The following GLT6D1 variants were observed in gnomAD, a reference collection of about 807,000 sequenced individuals.
The protein encoded by GLT6D1 is putative glycosyltransferase 6 domain-containing protein 1.
A neutral mutation model predicts 12.3 loss-of-function variants in GLT6D1; 9 were observed. The observed-to-expected ratio is 0.73, with a 90% CI of 0.44 to 1.27. GLT6D1 has a LOEUF of 1.27. Among genes scored for constraint, GLT6D1 ranks in the 50% most tolerant of loss-of-function variants. GLT6D1 has a pLI of 0.00. For missense variants in GLT6D1, 335 were observed against 346.2 expected, an observed-to-expected ratio of 0.97 and a Z score of 0.26; for synonymous variants, 128 against 132.3, an observed-to-expected ratio of 0.97 and a Z score of 0.23.
upstream of GLT6D1, among the ~76,000 whole-genome samples, chr9:135,640,755 A>G (rs1206627807): frequency 6.6e-6 from 1 of 151,884 alleles, no homozygotes; most frequent in Non-Finnish European, 1.5e-5. Context: ...AAGAAAGAAA[A>G]TGTGGCTCAC....
chr9:135,626,013 G>C (rs1833505579), intron 4 of GLT6D1, 56 bp downstream of exon 4: 1 of 1,591,368 alleles, frequency 6.3e-7, no homozygotes, highest in South Asian at 1.1e-5. Flanking sequence ...AAAGGCTCGT[G>C]AATGCTGATC....
At chr9:135,626,914 T>C (rs1833533601) in intron 3 of GLT6D1, among the ~76,000 whole-genome samples, 1 of 152,200 alleles carries the variant, frequency 6.6e-6, no homozygotes, top group Admixed American at 6.5e-5. Context: ...ATCAATCACA[T>C]GCTCAACTCG....
At chr9:135,636,416 TC>T (rs1424062025) in intron 2 of GLT6D1, among the ~76,000 whole-genome samples, 2 of 152,198 alleles carry the variant, frequency 1.3e-5, no homozygotes, top group Non-Finnish European at 2.9e-5. Flanking sequence ...AGCAGCTTTT[TC>T]CCTGACCCCT....
At chr9:135,625,397 G>C (rs1036956807) in intron 4 of GLT6D1, among the ~76,000 whole-genome samples, 11 of 152,138 alleles carry the variant, frequency 7.2e-5, no homozygotes, top group African/African-American at 2.7e-4. Flanking sequence ...CCAAGACAAA[G>C]GGCCTTAAAT....
Position 135,627,186 on chromosome 9 carries a change from G to A in GLT6D1, c.120-980C>T, listed in dbSNP as rs111668813. 2.4e-3 allele frequency among the ~76,000 whole-genome samples: 362 copies of A among 151,952 alleles called. 1 individual carries two copies. Among genetic ancestry groups the A allele is most frequent in the African/African-American group, 8.0e-3 (332 of 41,412 alleles). On this transcript the variant is annotated intron_variant, in intron 3 of 4. Transcript: ENST00000371763. Reference sequence around the variant, plus strand: ...GATTGGGAAGGAAAAAAACAACACCGTCCCTATTTGCAGATTACATAATTG... The same window carrying A: ...GATTGGGAAGGAAAAAAACAACACCATCCCTATTTGCAGATTACATAATTG...
chr9:135,633,307 T>C (rs918534833), intron 2 of GLT6D1, among the ~76,000 whole-genome samples: 3 of 152,158 alleles, frequency 2.0e-5, no homozygotes, highest in Admixed American at 6.5e-5. Context: ...TGGAGTGCAG[T>C]GGTATGATCT....
At chr9:135,625,194 G>A (rs1008986645) in intron 4 of GLT6D1, among the ~76,000 whole-genome samples, 1 of 152,134 alleles carries the variant, frequency 6.6e-6, no homozygotes, top group Non-Finnish European at 1.5e-5. Context: ...GGAATGTCCT[G>A]ACCTGGAGGG....
intron 2 of GLT6D1, among the ~76,000 whole-genome samples, chr9:135,633,417 TG>T (rs557385284): frequency 2.4e-4 from 36 of 151,756 alleles, no homozygotes; most frequent in African/African-American, 7.7e-4. Flanking sequence ...GCCTGGCTAA[TG>T]TTTTTTTAAT....
chr9:135,632,137 A>ATTT (rs10686489), intron 2 of GLT6D1, among the ~76,000 whole-genome samples: 28,571 of 143,988 alleles, frequency 0.2, 3,246 homozygotes, highest in East Asian at 0.35. Context: ...CCTGGGAGCA[A>ATTT]TTTTTTTTTT....
chr9:135,638,875 T>A (rs966141578), intron 2 of GLT6D1, among the ~76,000 whole-genome samples: 1 of 152,070 alleles, frequency 6.6e-6, no homozygotes, highest in Admixed American at 6.6e-5. Flanking sequence ...ACAAAAAAAA[T>A]TCAAAAATCA....
intron 3 of GLT6D1, among the ~76,000 whole-genome samples, chr9:135,627,968 G>C (rs1833556929): frequency 1.3e-5 from 2 of 151,974 alleles, no homozygotes; most frequent in Admixed American, 6.6e-5. Context: ...TGTGCTTATT[G>C]GCCATTAGTA....
intron 4 of GLT6D1, 84 bp downstream of exon 4, chr9:135,625,985 G>C (rs895084421): frequency 2.8e-6 from 4 of 1,448,666 alleles, no homozygotes; most frequent in South Asian, 1.3e-5. Flanking sequence ...CTTAATTATG[G>C]TTGGCTCTTT....
chr9:135,627,906 G>A (rs979853740), intron 3 of GLT6D1, among the ~76,000 whole-genome samples: 3 of 151,926 alleles, frequency 2.0e-5, no homozygotes, highest in African/African-American at 7.2e-5. Flanking sequence ...CTATCTCATT[G>A]TGACCTTAAT....
intron 4 of GLT6D1, 59 bp downstream of exon 4, chr9:135,626,010 C>T: frequency 1.3e-6 from 2 of 1,584,794 alleles, no homozygotes; most frequent in Non-Finnish European, 1.7e-6. Context: ...GTTAAAGGCT[C>T]GTGAATGCTG....
intron 3 of GLT6D1, among the ~76,000 whole-genome samples, chr9:135,628,567 T>C (rs1330593958): frequency 6.6e-6 from 1 of 152,104 alleles, no homozygotes; most frequent in Non-Finnish European, 1.5e-5. Context: ...GATACCTTTG[T>C]CTGGTTTTGA....
intron 3 of GLT6D1, among the ~76,000 whole-genome samples, chr9:135,628,053 G>T (rs771037374): frequency 3.3e-5 from 5 of 152,072 alleles, no homozygotes; most frequent in Non-Finnish European, 7.4e-5. Flanking sequence ...GTTGTTTAAT[G>T]ATAAGAATTA....
Position 135,624,724 on chromosome 9 carries a change from CTTTTT to C in GLT6D1, c.258-59_258-55del, listed in dbSNP as rs72471205. 2.9e-3 allele frequency: 1,637 copies of C among 563,640 alleles called. 1 individual carries two copies. Among genetic ancestry groups the C allele is most frequent in the East Asian group, 9.3e-3 (146 of 15,636 alleles). The allele number at this position is 563,640 out of a possible 1,614,324, so 34.9% of individuals were successfully genotyped here. ...TACTTTTCTCTTTTTTCTTTTCTTTCTTTTTTTTTTTTTTTTTTTTTTTGAGATGG... is the reference window on the plus strand; with the variant it reads ...TACTTTTCTCTTTTTTCTTTTCTTTCTTTTTTTTTTTTTTTTTTGAGATGG... On this transcript the variant is annotated intron_variant, in intron 4 of 4. Coordinates refer to ENST00000371763, the MANE Select transcript of GLT6D1 (RefSeq NM_182974.3).
intron 2 of GLT6D1, among the ~76,000 whole-genome samples, chr9:135,632,159 C>T (rs1249064665): frequency 6.8e-6 from 1 of 146,200 alleles, no homozygotes. Flanking sequence ...TTGAGACAGG[C>T]TCTCACTCTG....
chr9:135,636,717 A>G (rs1833780999), intron 2 of GLT6D1, among the ~76,000 whole-genome samples: 2 of 152,260 alleles, frequency 1.3e-5, no homozygotes, highest in East Asian at 3.9e-4. Flanking sequence ...TTTTCCTGCC[A>G]ATATAGTTTT....
Sources: allele counts gnomAD v4.1 joint callset (sites outside exome capture counted in the v4.1 genomes callset), GRCh38; gene constraint gnomAD v4.1.1; transcripts MANE v1.5; gene names NCBI Gene and HGNC (gene_info 2026-07-23, HGNC 2026-07-21).